FAM83A: variants seen among roughly 807,000 people sequenced by gnomAD.
FAM83A encodes the protein scaffolding CK1 anchoring protein A, also known as protein FAM83A.
Under a neutral mutation model 24.4 loss-of-function variants are expected in FAM83A, and 21 were observed. That is an observed-to-expected ratio of 0.86 (90% CI 0.61 to 1.24). The LOEUF (loss-of-function observed/expected upper bound fraction) is 1.24, where lower values mean the gene tolerates loss of function less well. Among genes scored for constraint, FAM83A ranks in the 50% most tolerant of loss-of-function variants. The pLI is 0.00. For missense variants in FAM83A, 617 were observed against 579.8 expected (o/e 1.06, Z -0.66); for synonymous variants, 270 against 252.4 (o/e 1.07, Z -0.66).
chr8:123,208,146 A>G lies in FAM83A; in HGVS notation c.*458A>G, dbSNP rs1300240872. 3 of 993,408 alleles carry G rather than the reference A, an allele frequency of 3.0e-6. No homozygotes were observed. The African/African-American group carries it at 5.2e-5, about 17-fold the overall frequency. 61.5% of individuals were successfully genotyped at this position (993,408 alleles called of 1,614,324 possible). A position where few individuals can be genotyped will look rare whatever the true frequency, so the allele number is the denominator to read the frequency against. ...CCACTCCCAAGAAATTCAGGAAAGA[A>G]AGACTGAGGAGAAGGTGTGGGAACA... On this transcript the variant is annotated 3_prime_UTR_variant, in exon 4 of 4. Coordinates refer to ENST00000690554, the Ensembl canonical transcript of FAM83A.
chr8:123,205,623 A>G (rs949279906), intron 3 of FAM83A, among the ~76,000 whole-genome samples: 1 of 151,938 alleles, frequency 6.6e-6, no homozygotes, highest in South Asian at 2.1e-4. Flanking sequence ...CTGCGATCCT[A>G]TCTTTGACGG....
At chr8:123,183,687 T>C (rs1823695173) in intron 1 of FAM83A, among the ~76,000 whole-genome samples, 1 of 149,574 alleles carries the variant, frequency 6.7e-6, no homozygotes, top group Non-Finnish European at 1.5e-5. Context: ...TTCTTTCTTT[T>C]TTTTTTTCTT....
chr8:123,199,408 C>T (rs768367029), intron 3 of FAM83A, among the ~76,000 whole-genome samples: 17 of 152,136 alleles, frequency 1.1e-4, no homozygotes, highest in Non-Finnish European at 1.8e-4. Flanking sequence ...GTGGTTTGAC[C>T]TCACTTTCCA....
At chr8:123,197,320 C>G (rs1312996676) in intron 3 of FAM83A, among the ~76,000 whole-genome samples, 4 of 152,224 alleles carry the variant, frequency 2.6e-5, no homozygotes, top group African/African-American at 9.6e-5. Flanking sequence ...CAGTTCACAC[C>G]TTCCTTCCCA....
chr8:123,183,448 G>A, intron 1 of FAM83A, 112 bp downstream of exon 1: 13 of 1,468,712 alleles, frequency 8.9e-6, no homozygotes, highest in Non-Finnish European at 1.2e-5. Context: ...CAGATAATTG[G>A]GGCTTCGGAT....
chr8:123,191,137 T>C (rs1317501215), intron 1 of FAM83A, among the ~76,000 whole-genome samples: 1 of 152,162 alleles, frequency 6.6e-6, no homozygotes, highest in Non-Finnish European at 1.5e-5. Flanking sequence ...TAAAGTCAGA[T>C]TGGGATGCTG....
chr8:123,194,021 C>G lies in FAM83A; in HGVS notation c.649-3C>G. 1 of 1,614,090 alleles carries G rather than the reference C, an allele frequency of 6.2e-7. No individual in the cohort carries two copies. The highest frequency in any genetic ancestry group is 8.5e-7 in the Non-Finnish European group (1 of 1,180,004). ...AGTGACACCTTGACTTTCCCTCCAA[C>G]AGAACATTTCCATCCGGAGTGTGGA... On this transcript the variant is annotated splice_polypyrimidine_tract_variant and splice_region_variant and intron_variant, in intron 2 of 3. Coordinates refer to ENST00000690554, the Ensembl canonical transcript of FAM83A.
At chr8:123,192,093 G>A in intron 2 of FAM83A, 123 bp downstream of exon 2, 1 of 1,169,210 alleles carries the variant, frequency 8.6e-7, no homozygotes, top group Non-Finnish European at 1.2e-6. Flanking sequence ...TTCATTTCTT[G>A]CTCAAACAAA....
At chr8:123,194,173 C>T in intron 3 of FAM83A, 25 bp downstream of exon 3, 2 of 1,612,858 alleles carry the variant, frequency 1.2e-6, no homozygotes, top group South Asian at 2.2e-5. Flanking sequence ...CATCTCCTGT[C>T]AAGGATTCAT....
upstream of FAM83A, among the ~76,000 whole-genome samples, chr8:123,181,068 GCCCCA>G (rs1823586488): frequency 6.6e-6 from 1 of 152,020 alleles, no homozygotes; most frequent in Non-Finnish European, 1.5e-5. Flanking sequence ...CTGATCTCCT[GCCCCA>G]GTAGCTGGGA....
At chr8:123,200,226 G>A (rs917571506) in intron 3 of FAM83A, among the ~76,000 whole-genome samples, 4 of 152,188 alleles carry the variant, frequency 2.6e-5, no homozygotes, top group Admixed American at 1.3e-4. Flanking sequence ...ACCCATTACA[G>A]TAGGGAGGTT....
At chr8:123,207,347 A>G (rs1225606743) in exon 4 of FAM83A, 1 of 1,611,342 alleles carries the variant, frequency 6.2e-7, no homozygotes, top group African/African-American at 1.3e-5. Flanking sequence ...CCTTAGCAGC[A>G]GCAGTGGCTC....
chr8:123,206,367 G>C (rs1363003389), intron 3 of FAM83A, among the ~76,000 whole-genome samples: 1 of 152,032 alleles, frequency 6.6e-6, no homozygotes, highest in Admixed American at 6.6e-5. Flanking sequence ...TCCCTGCTGG[G>C]TCCCTGTGCC....
At chr8:123,183,396 A>G (rs2131056170) in intron 1 of FAM83A, 60 bp downstream of exon 1, 15 of 1,557,832 alleles carry the variant, frequency 9.6e-6, no homozygotes, top group Non-Finnish European at 1.2e-5. Context: ...GGGGGCTGAT[A>G]GAGCAGGGAG....
intron 1 of FAM83A, among the ~76,000 whole-genome samples, chr8:123,189,923 T>A (rs1213945324): frequency 6.6e-6 from 1 of 152,162 alleles, no homozygotes; most frequent in Non-Finnish European, 1.5e-5. Flanking sequence ...TGGGTTCACA[T>A]CCCCCATCCT....
chr8:123,190,124 C>T (rs1436096660), intron 1 of FAM83A, among the ~76,000 whole-genome samples: 2 of 148,274 alleles, frequency 1.3e-5, no homozygotes, highest in Admixed American at 6.8e-5. Flanking sequence ...CCCAACAGTT[C>T]GAGACCAGCC....
At chr8:123,200,752 G>A (rs564029328) in intron 3 of FAM83A, among the ~76,000 whole-genome samples, 3 of 152,170 alleles carry the variant, frequency 2.0e-5, no homozygotes, top group African/African-American at 7.2e-5. Flanking sequence ...TCAGGAGTTC[G>A]AGGCCAGCCT....
rs767328146 is a variant in FAM83A at position 123,207,153 on chromosome 8, C to G, written c.774-4C>G. 1.3e-6 allele frequency: 2 copies of G among 1,525,322 alleles called. No homozygotes were observed. Among genetic ancestry groups the G allele is most frequent in the East Asian group, 4.8e-5 (2 of 41,288 alleles). 94.5% of individuals were successfully genotyped at this position (1,525,322 alleles called of 1,614,324 possible). ...CCATCACTCTCTCTCCTCTTCCCCT[C>G]CAGCTTCACCTGGCTCTGCGGACAC... On this transcript the variant is annotated splice_polypyrimidine_tract_variant and splice_region_variant and intron_variant, in intron 3 of 3. Coordinates refer to ENST00000690554, the Ensembl canonical transcript of FAM83A.
Position 123,185,246 on chromosome 8 carries a change from C to CA in FAM83A, c.480+1913dup, listed in dbSNP as rs1478227506. 4.6e-5 allele frequency among the ~76,000 whole-genome samples: 7 copies of CA among 152,340 alleles called. No individual in the cohort carries two copies. The East Asian group carries it at 1.3e-3, about 29-fold the overall frequency. On this transcript the variant is annotated intron_variant, in intron 1 of 3. Coordinates refer to ENST00000690554, the Ensembl canonical transcript of FAM83A. Reference sequence around the variant, plus strand: ...GCCGGACTAAAGTCCCTCCAGGCTCCAAAGGCCTGTTCCTGAGTGTGCCAG... The same window carrying CA: ...GCCGGACTAAAGTCCCTCCAGGCTCCAAAAGGCCTGTTCCTGAGTGTGCCAG...
Sources: allele counts gnomAD v4.1 joint callset (sites outside exome capture counted in the v4.1 genomes callset), GRCh38; gene constraint gnomAD v4.1.1; transcripts MANE v1.5; gene names NCBI Gene and HGNC (gene_info 2026-07-23, HGNC 2026-07-21).